COL25A1: variants seen among roughly 807,000 people sequenced by gnomAD.
COL25A1 encodes collagen type XXV alpha 1 chain, also known as collagen alpha-1(XXV) chain.
Under a neutral mutation model 128.4 loss-of-function variants are expected in COL25A1, and 103 were observed. The ratio of observed to expected loss-of-function variants is 0.80; its 90% CI spans 0.68 to 0.94. The LOEUF is 0.94. COL25A1 is among the 40% of genes least tolerant of loss of function. COL25A1 has a pLI of 0.00. For synonymous variants in COL25A1, 279 were observed against 277.2 expected (o/e 1.01, Z -0.06); for missense variants, 745 against 840.0 (o/e 0.89, Z 1.40).
intron 3 of COL25A1, among the ~76,000 whole-genome samples, chr4:109,101,030 T>G (rs577845412): frequency 6.6e-6 from 1 of 152,316 alleles, no homozygotes; most frequent in Admixed American, 6.5e-5. Flanking sequence ...TAGGAAAATT[T>G]TAAAGTGGCT....
At chr4:108,913,053 G>A (rs753972055) in intron 13 of COL25A1, among the ~76,000 whole-genome samples, 5 of 151,794 alleles carry the variant, frequency 3.3e-5, no homozygotes, top group Non-Finnish European at 7.4e-5. Flanking sequence ...AAAATTGCAC[G>A]AATCAAGATC....
rs970619686 is a variant in COL25A1, at chr4:109,286,324, C to A, written c.367+14259G>T. ...AGAAAGAGTTCAACCTTGAGGTACA[C>A]CTTGAGCATAAGGCAACAGAAGCAG... On this transcript the variant is annotated intron_variant, in intron 3 of 37. Coordinates refer to ENST00000399132, the MANE Select transcript of COL25A1 (RefSeq NM_198721.4). 7.2e-5 allele frequency among the ~76,000 whole-genome samples: 11 copies of A among 152,034 alleles called. 1 individual carries two copies. The highest frequency in any genetic ancestry group is 7.2e-4 in the Admixed American group (11 of 15,252).
chr4:109,162,625 T>C (rs373914154), intron 3 of COL25A1, among the ~76,000 whole-genome samples: 15 of 152,158 alleles, frequency 9.9e-5, no homozygotes, highest in African/African-American at 3.4e-4. Flanking sequence ...GAGAGCACTT[T>C]AAAATGAGGT....
At chr4:109,056,923 G>A (rs1354318709) in intron 3 of COL25A1, among the ~76,000 whole-genome samples, 1 of 152,180 alleles carries the variant, frequency 6.6e-6, no homozygotes, top group Non-Finnish European at 1.5e-5. Flanking sequence ...GTGCAGTGGT[G>A]ATAATAGCTC....
At chr4:109,260,063 A>G (rs1456229152) in intron 3 of COL25A1, among the ~76,000 whole-genome samples, 1 of 152,236 alleles carries the variant, frequency 6.6e-6, no homozygotes, top group African/African-American at 2.4e-5. Flanking sequence ...CAGCTGTACC[A>G]GGTATAAAGT....
intron 6 of COL25A1, among the ~76,000 whole-genome samples, chr4:108,985,890 T>C (rs368654181): frequency 6.6e-6 from 1 of 152,232 alleles, no homozygotes; most frequent in Admixed American, 6.5e-5. Context: ...AGCCAACATA[T>C]ACTATCATCA....
In COL25A1 at chr4:109,301,470, C is replaced by G. The variant is rs191367242; in HGVS notation, c.297+253G>C. 5.9e-5 allele frequency among the ~76,000 whole-genome samples: 9 copies of G among 152,232 alleles called. No individual in the cohort carries two copies. The East Asian group carries it at 1.7e-3, about 29-fold the overall frequency. On this transcript the variant is annotated intron_variant, in intron 2 of 37. Transcript: ENST00000399132. ...ATGCCCTTTCCGAACCCTTTTAGAC[C>G]TTCCTATGTGTTTAACACGCAAACA... is the stretch of plus-strand genomic sequence containing the variant.
At chr4:109,015,370 T>G (rs2126054776) in intron 5 of COL25A1, among the ~76,000 whole-genome samples, 1 of 152,350 alleles carries the variant, frequency 6.6e-6, no homozygotes, top group South Asian at 2.1e-4. Flanking sequence ...TAGTTGTAAA[T>G]TATGATTAAG....
intron 3 of COL25A1, among the ~76,000 whole-genome samples, chr4:109,291,965 T>C (rs1724512631): frequency 6.6e-6 from 1 of 152,138 alleles, no homozygotes; most frequent in Admixed American, 6.6e-5. Flanking sequence ...AGACTTTAAT[T>C]TGAATACATA....
chr4:109,023,761 A>G (rs1366984889), intron 5 of COL25A1, among the ~76,000 whole-genome samples: 2 of 152,236 alleles, frequency 1.3e-5, no homozygotes, highest in Admixed American at 6.5e-5. Context: ...CTTGCTTGCA[A>G]TAAAGAGAAA....
chr4:109,111,645 A>G (rs945045359), intron 3 of COL25A1, among the ~76,000 whole-genome samples: 4 of 152,146 alleles, frequency 2.6e-5, no homozygotes, highest in Admixed American at 2.6e-4. Context: ...CTCAGCTTTT[A>G]AGTCTCAGCT....
intron 8 of COL25A1, among the ~76,000 whole-genome samples, chr4:108,968,392 C>T (rs1263184325): frequency 1.3e-5 from 2 of 152,146 alleles, no homozygotes; most frequent in Non-Finnish European, 2.9e-5. Context: ...CTTTAATAGC[C>T]CATGACTCCA....
chr4:108,926,104 T>G (rs972049514), intron 11 of COL25A1, among the ~76,000 whole-genome samples: 2 of 152,128 alleles, frequency 1.3e-5, no homozygotes, highest in Non-Finnish European at 2.9e-5. Flanking sequence ...AATTAATGAA[T>G]TTTTCTGACA....
In COL25A1 at chr4:109,204,431, A is replaced by G. The variant is rs80031439; in HGVS notation, c.367+96152T>C. 0.011 allele frequency among the ~76,000 whole-genome samples: 1,630 copies of G among 152,276 alleles called. 58 individuals carry two copies. The South Asian group carries it at 0.14, about 13-fold the overall frequency. Reference sequence around the variant, plus strand: ...CTTTTCCGCCCATGTCTTAGGAATAATTTGGAAAAAATGGCCTATATAATA... The same window carrying G: ...CTTTTCCGCCCATGTCTTAGGAATAGTTTGGAAAAAATGGCCTATATAATA... On this transcript the variant is annotated intron_variant, in intron 3 of 37. Coordinates refer to ENST00000399132, the MANE Select transcript of COL25A1 (RefSeq NM_198721.4).
chr4:108,964,759 T>C (rs1751107468), intron 8 of COL25A1, among the ~76,000 whole-genome samples: 1 of 152,186 alleles, frequency 6.6e-6, no homozygotes, highest in Non-Finnish European at 1.5e-5. Context: ...AACTTTTTAG[T>C]GGGTTGAAGT....
At chr4:108,981,243 C>T (rs1486071230) in intron 6 of COL25A1, among the ~76,000 whole-genome samples, 1 of 152,178 alleles carries the variant, frequency 6.6e-6, no homozygotes, top group Non-Finnish European at 1.5e-5. Context: ...TACAGGTTTA[C>T]CTCCAACTAG....
At chr4:109,139,997 T>A (rs557548727) in intron 3 of COL25A1, among the ~76,000 whole-genome samples, 38 of 152,346 alleles carry the variant, frequency 2.5e-4, no homozygotes, top group African/African-American at 7.5e-4. Context: ...TACAAAGACA[T>A]GAACTCATCA....
At chr4:109,006,662 T>C (rs1756039111) in intron 6 of COL25A1, among the ~76,000 whole-genome samples, 1 of 152,130 alleles carries the variant, frequency 6.6e-6, no homozygotes, top group Non-Finnish European at 1.5e-5. Flanking sequence ...AGGCTCATAG[T>C]AAGGTGTTAA....
At chr4:108,824,281 C>A in intron 34 of COL25A1, 54 bp from the exon 35 acceptor site, 2 of 1,182,718 alleles carry the variant, frequency 1.7e-6, no homozygotes, top group Admixed American at 2.2e-5. Context: ...GTGGCAAAAT[C>A]ATATAGAAAC....
Sources: gnomAD v4.1 joint callset for allele counts (sites outside exome capture counted in the v4.1 genomes callset) on GRCh38, gnomAD v4.1.1 for gene constraint, MANE v1.5 for transcripts, NCBI Gene and HGNC (gene_info 2026-07-23, HGNC 2026-07-21) for gene names.